The following PABPC1L2A variants were observed in gnomAD, a reference collection of about 807,000 sequenced individuals.
PABPC1L2A encodes poly(A) binding protein cytoplasmic 1 like 2A.
rs781903679 is a variant in PABPC1L2A, at chrX:73,079,227, C to T, written c.160G>A (p.Val54Met). The change falls in exon 1 of 1, where the codon GTG becomes ATG. Residue 54 changes from valine (V) to methionine (M), a missense_variant. Val to Met is a conservative substitution (Grantham distance 21). Transcript: ENST00000373519. ...GTCTCCAGGGCCCGCTTGGCGTCCA[C>T]CGGTTGCTGGTAGTTGACATACGCG... ...GYAYVNYQQP[V>M]DAKRALETLN... is the part of the protein sequence containing the mutation. The T allele has an allele frequency of 3.1e-4, 74 of 238,782 alleles. 2 individuals are homozygous for T. In the South Asian group the frequency reaches 4.1e-3, roughly 13 times the overall value. 19.7% of individuals were successfully genotyped at this position (238,782 alleles called of 1,213,427 possible). A position where few individuals can be genotyped will look rare whatever the true frequency, so the allele number is the denominator to read the frequency against.
rs1171978052 is a variant in PABPC1L2A, at chrX:73,077,548, G to T, written c.*1236C>A. 4.9e-5 allele frequency: 6 copies of T among 121,254 alleles called. No individual in the cohort carries two copies. Among genetic ancestry groups the T allele is most frequent in the Non-Finnish European group, 7.5e-5 (4 of 53,110 alleles). The allele number at this position is 121,254 out of a possible 1,213,427, so 10.0% of individuals were successfully genotyped here. On this transcript the variant is annotated 3_prime_UTR_variant, in exon 1 of 1. Transcript: ENST00000373519. ...TACTGGTGACTTTAATTTTCTTCTG[G>T]TAACTTGTCTGCTTTGTGATTTTTT... is the stretch of plus-strand genomic sequence containing the variant.
Position 73,077,461 on chromosome X carries a change from A to C in PABPC1L2A, c.*1323T>G, listed in dbSNP as rs1556385294. 8.8e-6 allele frequency: 1 copy of C among 113,950 alleles called. No individual in the cohort carries two copies. The highest frequency in any genetic ancestry group is 1.9e-5 in the Non-Finnish European group (1 of 53,147). 9.4% of individuals were successfully genotyped at this position (113,950 alleles called of 1,213,427 possible). A position where few individuals can be genotyped will look rare whatever the true frequency, so the allele number is the denominator to read the frequency against. ...CAAAAATGTTTCAGGTAGTTCTAGA[A>C]AATATCAGAGAGGTGTGCATGAAAA... On this transcript the variant is annotated 3_prime_UTR_variant, in exon 1 of 1. Coordinates refer to ENST00000373519, the MANE Select transcript of PABPC1L2A (RefSeq NM_001012977.3).
Position 73,078,009 on chromosome X carries a change from G to A in PABPC1L2A, c.*775C>T, listed in dbSNP as rs1328463561. ...ATTCACTCATCAAAGCACAGAGCAC[G>A]CAATGTTGGTCTTAAACACAGGGAA... On this transcript the variant is annotated 3_prime_UTR_variant, in exon 1 of 1. Transcript: ENST00000373519. The A allele has an allele frequency of 8.2e-6, 1 of 122,180 alleles. No individual in the cohort carries two copies. Among genetic ancestry groups the A allele is most frequent in the African/African-American group, 3.3e-5 (1 of 30,312 alleles). 10.1% of individuals were successfully genotyped at this position (122,180 alleles called of 1,213,427 possible). A position where few individuals can be genotyped will look rare whatever the true frequency, so the allele number is the denominator to read the frequency against.
Position 73,077,362 on chromosome X carries a change from C to A in PABPC1L2A, c.*1422G>T, listed in dbSNP as rs1432851747. The A allele has an allele frequency of 2.7e-5, 3 of 110,387 alleles. No homozygotes were observed. The highest frequency in any genetic ancestry group is 5.7e-5 in the Non-Finnish European group (3 of 52,817). The allele number at this position is 110,387 out of a possible 1,213,427, so 9.1% of individuals were successfully genotyped here. A position where few individuals can be genotyped will look rare whatever the true frequency, so the allele number is the denominator to read the frequency against. ...TACACACACATGTATGTGTGAAAAG[C>A]AGATATAAAAACAGTCTGTACATCA... On this transcript the variant is annotated 3_prime_UTR_variant, in exon 1 of 1. Transcript: ENST00000373519.
At position 73,077,601 on chromosome X, in the gene PABPC1L2A, T is replaced by C. The variant is rs1373540123; in HGVS notation, c.*1183A>G. 1.4e-4 allele frequency: 17 copies of C among 121,494 alleles called. No homozygotes were observed. The East Asian group carries it at 4.3e-3, about 30-fold the overall frequency. The allele number at this position is 121,494 out of a possible 1,213,427, so 10.0% of individuals were successfully genotyped here. On this transcript the variant is annotated 3_prime_UTR_variant, in exon 1 of 1. Coordinates refer to ENST00000373519, the MANE Select transcript of PABPC1L2A (RefSeq NM_001012977.3). ...TCTTGCAATGACGCTGAATTACTTT[T>C]CTGACAACAGGGAAAAGGACAGGAA... is the stretch of plus-strand genomic sequence containing the variant.
In PABPC1L2A at chrX:73,079,447, G is replaced by GGCC; in HGVS notation, c.-64_-62dup. The GGCC allele has an allele frequency of 1.0e-6, 1 of 991,708 alleles. No individual in the cohort carries two copies. The highest frequency in any genetic ancestry group is 3.5e-5 in the Admixed American group (1 of 28,189). The allele number at this position is 991,708 out of a possible 1,213,427, so 81.7% of individuals were successfully genotyped here. ...TCTCATCCGCATCTGCATCCGCGGC[G>GGCC]GCCGCCGCAGCCGCCACCTCGGCCG... is the stretch of plus-strand genomic sequence containing the variant. On this transcript the variant is annotated 5_prime_UTR_variant, in exon 1 of 1. Coordinates refer to ENST00000373519, the MANE Select transcript of PABPC1L2A (RefSeq NM_001012977.3).
Position 73,077,722 on chromosome X carries a change from GAC to G in PABPC1L2A, c.*1060_*1061del, listed in dbSNP as rs377158860. ...CTTTGTAGCCCGCCAAGCTGGCCAA[GAC>G]ACACACACACACACACACACACACA... On this transcript the variant is annotated 3_prime_UTR_variant, in exon 1 of 1. Coordinates refer to ENST00000373519, the MANE Select transcript of PABPC1L2A (RefSeq NM_001012977.3). The G allele has an allele frequency of 0.54, 56,889 of 106,050 alleles. 13,110 individuals are homozygous for G. Among genetic ancestry groups the G allele is most frequent in the Non-Finnish European group, 0.72 (34,870 of 48,763 alleles). The allele number at this position is 106,050 out of a possible 1,213,427, so 8.7% of individuals were successfully genotyped here.
rs2055547745 is a variant in PABPC1L2A, at chrX:73,077,749, A to ACACACACACG, written c.*1034_*1035insCGTGTGTGTG. 8.3e-6 allele frequency: 1 copy of ACACACACACG among 120,087 alleles called. No individual in the cohort carries two copies. The highest frequency in any genetic ancestry group is 3.4e-5 in the African/African-American group (1 of 29,434). The allele number at this position is 120,087 out of a possible 1,213,427, so 9.9% of individuals were successfully genotyped here. On this transcript the variant is annotated 3_prime_UTR_variant, in exon 1 of 1. Coordinates refer to ENST00000373519, the MANE Select transcript of PABPC1L2A (RefSeq NM_001012977.3). ...CACACACACACACACACACACACAC[A>ACACACACACG]CACGCACGCACACACACGATCAATT...
rs1354609541 is a variant in PABPC1L2A, at chrX:73,077,535, T to C, written c.*1249A>G. 8.3e-6 allele frequency: 1 copy of C among 121,186 alleles called. No homozygotes were observed. Among genetic ancestry groups the C allele is most frequent in the African/African-American group, 3.3e-5 (1 of 30,579 alleles). The allele number at this position is 121,186 out of a possible 1,213,427, so 10.0% of individuals were successfully genotyped here. Reference sequence around the variant, plus strand: ...CATCAGAAATGATTACTGGTGACTTTAATTTTCTTCTGGTAACTTGTCTGC... The same window carrying C: ...CATCAGAAATGATTACTGGTGACTTCAATTTTCTTCTGGTAACTTGTCTGC... On this transcript the variant is annotated 3_prime_UTR_variant, in exon 1 of 1. Coordinates refer to ENST00000373519, the MANE Select transcript of PABPC1L2A (RefSeq NM_001012977.3).
In PABPC1L2A at chrX:73,077,465, A is replaced by T. The variant is rs1203336014; in HGVS notation, c.*1319T>A. ...AATGTTTCAGGTAGTTCTAGAAAAT[A>T]TCAGAGAGGTGTGCATGAAAATGTT... is the stretch of plus-strand genomic sequence containing the variant. On this transcript the variant is annotated 3_prime_UTR_variant, in exon 1 of 1. Transcript: ENST00000373519. The T allele has an allele frequency of 8.8e-6, 1 of 114,160 alleles. No individual in the cohort carries two copies. Among genetic ancestry groups the T allele is most frequent in the East Asian group, 2.8e-4 (1 of 3,539 alleles). 9.4% of individuals were successfully genotyped at this position (114,160 alleles called of 1,213,427 possible). A position where few individuals can be genotyped will look rare whatever the true frequency, so the allele number is the denominator to read the frequency against.
Position 73,077,364 on chromosome X carries a change from G to A in PABPC1L2A, c.*1420C>T, listed in dbSNP as rs2055543435. The A allele has an allele frequency of 9.0e-6, 1 of 110,818 alleles. No homozygotes were observed. 9.1% of individuals were successfully genotyped at this position (110,818 alleles called of 1,213,427 possible). A position where few individuals can be genotyped will look rare whatever the true frequency, so the allele number is the denominator to read the frequency against. ...CACACACATGTATGTGTGAAAAGCAGATATAAAAACAGTCTGTACATCATA... is the reference window on the plus strand; with the variant it reads ...CACACACATGTATGTGTGAAAAGCAAATATAAAAACAGTCTGTACATCATA... On this transcript the variant is annotated 3_prime_UTR_variant, in exon 1 of 1. Coordinates refer to ENST00000373519, the MANE Select transcript of PABPC1L2A (RefSeq NM_001012977.3).
At position 73,077,415 on chromosome X, in the gene PABPC1L2A, G is replaced by A. The variant is rs782363818; in HGVS notation, c.*1369C>T. 9.0e-6 allele frequency: 1 copy of A among 111,308 alleles called. No individual in the cohort carries two copies. Among genetic ancestry groups the A allele is most frequent in the South Asian group, 3.8e-4 (1 of 2,629 alleles). The allele number at this position is 111,308 out of a possible 1,213,427, so 9.2% of individuals were successfully genotyped here. A position where few individuals can be genotyped will look rare whatever the true frequency, so the allele number is the denominator to read the frequency against. ...ATATACATATATGATATATGCATAA[G>A]AAAAAAACTAGACCTACAGACAAAA... is the stretch of plus-strand genomic sequence containing the variant. On this transcript the variant is annotated 3_prime_UTR_variant, in exon 1 of 1. Coordinates refer to ENST00000373519, the MANE Select transcript of PABPC1L2A (RefSeq NM_001012977.3).
Position 73,079,475 on chromosome X carries a change from A to ACCTCGGCCGCCACCTTCGCATCCGCAT in PABPC1L2A, c.-116_-90dup, listed in dbSNP as rs2055555831. ...CGCCGCAGCCGCCACCTCGGCCGCC[A>ACCTCGGCCGCCACCTTCGCATCCGCAT]CCTCGGCCGCCACCTTCGCATCCGC... On this transcript the variant is annotated 5_prime_UTR_variant, in exon 1 of 1. The change creates a new upstream start codon in the 5' untranslated region. Coordinates refer to ENST00000373519, the MANE Select transcript of PABPC1L2A (RefSeq NM_001012977.3). 1 of 1,041,006 alleles carries ACCTCGGCCGCCACCTTCGCATCCGCAT rather than the reference A, an allele frequency of 9.6e-7. No individual in the cohort carries two copies. The highest frequency in any genetic ancestry group is 1.3e-6 in the Non-Finnish European group (1 of 775,261). 85.8% of individuals were successfully genotyped at this position (1,041,006 alleles called of 1,213,427 possible). A position where few individuals can be genotyped will look rare whatever the true frequency, so the allele number is the denominator to read the frequency against.
rs1556385441 is a variant in PABPC1L2A, at chrX:73,077,890, GAA to G, written c.*892_*893del. 8.2e-6 allele frequency: 1 copy of G among 122,483 alleles called. No individual in the cohort carries two copies. Among genetic ancestry groups the G allele is most frequent in the Non-Finnish European group, 1.9e-5 (1 of 53,012 alleles). 10.1% of individuals were successfully genotyped at this position (122,483 alleles called of 1,213,427 possible). A position where few individuals can be genotyped will look rare whatever the true frequency, so the allele number is the denominator to read the frequency against. On this transcript the variant is annotated 3_prime_UTR_variant, in exon 1 of 1. Coordinates refer to ENST00000373519, the MANE Select transcript of PABPC1L2A (RefSeq NM_001012977.3). ...AAGGGGGCCTTTTGGCAACACACAG[GAA>G]AAGTCTTTAAAATGTCTATATGTGG...
In PABPC1L2A at chrX:73,078,889, C is replaced by A. The variant is rs1556385592; in HGVS notation, c.498G>T (p.Ser166=). ...YRKIFVGRFK[S]HKEREAERGA... The stretch of plus-strand genomic sequence containing the variant: ...CCCTTTCGGCCTCTCGTTCTTTATG[C>A]GACTTGAATCTCCCGACGAAAATTT... Residue 166 remains serine, a synonymous_variant, in exon 1 of 1, where the codon TCG becomes TCT. Transcript: ENST00000373519. The A allele has an allele frequency of 7.7e-5, 2 of 26,041 alleles. No individual in the cohort carries two copies. Among genetic ancestry groups the A allele is most frequent in the African/African-American group, 1.1e-3 (2 of 1,742 alleles). The allele number at this position is 26,041 out of a possible 1,213,427, so 2.1% of individuals were successfully genotyped here.
rs1336881158 is a variant in PABPC1L2A at position 73,077,689 on chromosome X, G to A, written c.*1095C>T. 8.5e-6 allele frequency: 1 copy of A among 117,996 alleles called. No individual in the cohort carries two copies. The highest frequency in any genetic ancestry group is 1.9e-5 in the Non-Finnish European group (1 of 52,005). The allele number at this position is 117,996 out of a possible 1,213,427, so 9.7% of individuals were successfully genotyped here. ...TTCCAGCAAAACTACCGAGGACAGC[G>A]AAACACCCTTTGTAGCCCGCCAAGC... On this transcript the variant is annotated 3_prime_UTR_variant, in exon 1 of 1. Transcript: ENST00000373519.
Position 73,077,384 on chromosome X carries a change from A to G in PABPC1L2A, c.*1400T>C, listed in dbSNP as rs1166362789. 9.0e-6 allele frequency: 1 copy of G among 111,656 alleles called. No homozygotes were observed. The highest frequency in any genetic ancestry group is 3.3e-5 in the African/African-American group (1 of 30,708). The allele number at this position is 111,656 out of a possible 1,213,427, so 9.2% of individuals were successfully genotyped here. ...AAGCAGATATAAAAACAGTCTGTAC[A>G]TCATAATATACATATATGATATATG... On this transcript the variant is annotated 3_prime_UTR_variant, in exon 1 of 1. Coordinates refer to ENST00000373519, the MANE Select transcript of PABPC1L2A (RefSeq NM_001012977.3).
chrX:73,078,203 GA>G lies in PABPC1L2A; in HGVS notation c.*580del. On this transcript the variant is annotated 3_prime_UTR_variant, in exon 1 of 1. Transcript: ENST00000373519. ...TGATTTTTGTTTGGTTTTAGTTGCTGAAAAAGCAGGTTAAGAAACACCACAT... is the reference window on the plus strand; with the variant it reads ...TGATTTTTGTTTGGTTTTAGTTGCTGAAAAGCAGGTTAAGAAACACCACAT... 1 of 139,250 alleles carries G rather than the reference GA, an allele frequency of 7.2e-6. No homozygotes were observed. The highest frequency in any genetic ancestry group is 2.2e-4 in the South Asian group (1 of 4,447). The allele number at this position is 139,250 out of a possible 1,213,427, so 11.5% of individuals were successfully genotyped here. A position where few individuals can be genotyped will look rare whatever the true frequency, so the allele number is the denominator to read the frequency against.
In PABPC1L2A at chrX:73,079,505, G is replaced by A. The variant is rs1157179424; in HGVS notation, c.-119C>T. 80 of 592,760 alleles carry A rather than the reference G, an allele frequency of 1.3e-4. No homozygotes were observed. Among genetic ancestry groups the A allele is most frequent in the Non-Finnish European group, 2.0e-4 (79 of 392,041 alleles). The allele number at this position is 592,760 out of a possible 1,213,427, so 48.9% of individuals were successfully genotyped here. A position where few individuals can be genotyped will look rare whatever the true frequency, so the allele number is the denominator to read the frequency against. On this transcript the variant is annotated 5_prime_UTR_variant, in exon 1 of 1. Transcript: ENST00000373519. ...GGCCGCCACCTTCGCATCCGCATCC[G>A]CATCCGCATCCGCCTCCGCCTCCCC... is the stretch of plus-strand genomic sequence containing the variant.
Sources: allele counts gnomAD v4.1 joint callset, GRCh38; gene constraint gnomAD v4.1.1; transcripts MANE v1.5; gene names NCBI Gene and HGNC (gene_info 2026-07-23, HGNC 2026-07-21).